Variants in ZNF718 observed in about 807,000 individuals in gnomAD.
ZNF718 encodes zinc finger protein 718.
In ZNF718, 3 loss-of-function variants were observed where a neutral mutation model predicts 2.6. The ratio of observed to expected loss-of-function variants is 1.16; its 90% confidence interval spans 0.53 to 3.01. The LOEUF is 3.01. Ranked by LOEUF, ZNF718 falls within the 30% of genes most tolerant of loss-of-function variation. ZNF718 has a pLI of 0.03. For missense variants in ZNF718, 468 were observed against 230.0 expected (o/e 2.03, Z -6.69); for synonymous variants, 135 against 77.9 (o/e 1.73, Z -3.86).
chr4:142,130 G>A, intron 3 of ZNF718: 1 of 502,176 alleles, frequency 2.0e-6, no homozygotes, highest in Admixed American at 2.0e-5. Flanking sequence ...TTTTGGAACT[G>A]TGCAGCCATT....
exon 5 of ZNF718, chr4:202,095 A>G (rs1717912706): frequency 1.3e-5 from 2 of 152,206 alleles, no homozygotes; most frequent in South Asian, 2.1e-4. Flanking sequence ...TAATTGAATC[A>G]TGGGGGCAGT....
intron 3 of ZNF718, among the ~76,000 whole-genome samples, chr4:135,756 A>ATAT (rs1581426330): frequency 2.8e-5 from 4 of 143,662 alleles, no homozygotes; most frequent in East Asian, 2.1e-4. Flanking sequence ...ATGATTATAT[A>ATAT]ATCTACAGAC....
Position 130,892 on chromosome 4 carries a change from C to T in ZNF718, c.108C>T (p.Asn36=), listed in dbSNP as rs1715334008. 1.7e-5 allele frequency: 6 copies of T among 362,810 alleles called. 2 individuals are homozygous for T. In the Admixed American group the frequency reaches 2.9e-4, roughly 17 times the overall value. 22.5% of individuals were successfully genotyped at this position (362,810 alleles called of 1,614,324 possible). A position where few individuals can be genotyped will look rare whatever the true frequency, so the allele number is the denominator to read the frequency against. The change falls in exon 2 of 4, where the codon AAC becomes AAT. Residue 36 remains asparagine (N), a synonymous_variant. Transcript: ENST00000510175. ...QNLYRDVMLE[N]YRNLVSLGVS... ...TATATAGAGATGTGATGTTGGAGAA[C>T]TACAGAAACCTGGTCTCCCTGGGTA... is the stretch of plus-strand genomic sequence containing the variant.
At position 131,495 on chromosome 4, in the gene ZNF718, C is replaced by T; in HGVS notation, c.216C>T (p.Ala72=). The T allele has an allele frequency of 6.4e-6, 3 of 466,738 alleles. 1 individual carries two copies. Among genetic ancestry groups the T allele is most frequent in the South Asian group, 3.9e-5 (1 of 25,748 alleles). 28.9% of individuals were successfully genotyped at this position (466,738 alleles called of 1,614,324 possible). ...PYNLKIHETA[A]RPPAVCSHFT... is the part of the protein sequence containing the mutation. The stretch of plus-strand genomic sequence containing the variant: ...ATTTGAAGATACATGAAACAGCAGC[C>T]AGACCCCCAGGTAGGTGAGAGTGAA... Residue 72 remains alanine, a synonymous_variant, in exon 3 of 4, where the codon GCC becomes GCT. Coordinates refer to ENST00000510175, the MANE Select transcript of ZNF718 (RefSeq NM_001039127.6).
Position 152,000 on chromosome 4 carries a change from G to A in ZNF718, c.227-8912G>A, listed in dbSNP as rs368872934. On this transcript the variant is annotated intron_variant, in intron 3 of 3. Transcript: ENST00000510175. ...GGGGAGAGGGTCAGCAGACAAACAC[G>A]TGAACAAAGGTCTTTGCATCATAGA... Among the ~76,000 whole-genome samples the A allele has an allele frequency of 3.0e-3, 445 of 148,608 alleles. 2 individuals carry two copies. The highest frequency in any genetic ancestry group is 0.01 in the African/African-American group (423 of 40,314).
rs568732176 is a variant in ZNF718, at chr4:190,303, G to A, written c.227-10778G>A. On this transcript the variant is annotated intron_variant and NMD_transcript_variant, in intron 3 of 4. Transcript: ENST00000642529. ...AAATTAGCCAGGCGTGGTGATGGGC[G>A]CCTGTAGTCCCAGCTACTCAGGAGG... 4.6e-5 allele frequency among the ~76,000 whole-genome samples: 7 copies of A among 151,990 alleles called. No individual in the cohort carries two copies. The East Asian group carries it at 7.7e-4, about 17-fold the overall frequency.
intron 3 of ZNF718, among the ~76,000 whole-genome samples, chr4:195,084 G>C (rs1000356432): frequency 3.9e-5 from 6 of 152,132 alleles, no homozygotes; most frequent in Middle Eastern, 3.2e-3. Flanking sequence ...TGTGCTCAGG[G>C]GTGAGTCCTA....
rs1374150033 is a variant in ZNF718, at chr4:155,450, A to T, written c.227-5462A>T. ...GGTGGAGCTGCTCAAGATCATGGGAACCTATTTCTTGCATCAATGTGACCT... is the reference window on the plus strand; with the variant it reads ...GGTGGAGCTGCTCAAGATCATGGGATCCTATTTCTTGCATCAATGTGACCT... On this transcript the variant is annotated intron_variant, in intron 3 of 3. Transcript: ENST00000510175. 2.0e-5 allele frequency among the ~76,000 whole-genome samples: 3 copies of T among 152,300 alleles called. 1 individual carries two copies. In the East Asian group the frequency reaches 5.8e-4, roughly 29 times the overall value.
At chr4:199,717 C>T (rs924653210) in intron 3 of ZNF718, among the ~76,000 whole-genome samples, 2 of 152,172 alleles carry the variant, frequency 1.3e-5, no homozygotes, top group African/African-American at 4.8e-5. Flanking sequence ...AAAAGGCTTT[C>T]ATTTGGCTCA....
intron 4 of ZNF718, chr4:201,567 G>A (rs1330203585): frequency 6.5e-6 from 1 of 154,802 alleles, no homozygotes. Flanking sequence ...GATTTATTTA[G>A]GTAAAAGTGT....
Position 162,883 on chromosome 4 carries a change from G to A in ZNF718, c.*761G>A, listed in dbSNP as rs1174853680. On this transcript the variant is annotated 3_prime_UTR_variant, in exon 4 of 4. Transcript: ENST00000510175. ...AAGACTAAATGTCAGAATATTTACA[G>A]TAGAAAGAAAAAGGCATTAACACTT... 2 of 152,146 alleles carry A rather than the reference G, an allele frequency of 1.3e-5. No individual in the cohort carries two copies. Among genetic ancestry groups the A allele is most frequent in the East Asian group, 1.9e-4 (1 of 5,196 alleles). The allele number at this position is 152,146 out of a possible 1,614,324, so 9.4% of individuals were successfully genotyped here. A position where few individuals can be genotyped will look rare whatever the true frequency, so the allele number is the denominator to read the frequency against.
At chr4:172,212 C>G (rs781873856) in intron 3 of ZNF718, among the ~76,000 whole-genome samples, 1 of 152,138 alleles carries the variant, frequency 6.6e-6, no homozygotes, top group Non-Finnish European at 1.5e-5. Flanking sequence ...AACAAGCATC[C>G]AGTAACCAGC....
chr4:148,743 G>T (rs1199389180), intron 3 of ZNF718, among the ~76,000 whole-genome samples: 1 of 152,118 alleles, frequency 6.6e-6, no homozygotes, highest in Non-Finnish European at 1.5e-5. Flanking sequence ...ATCAGGGAAA[G>T]GGGTGGGTTT....
chr4:188,998 GC>G (rs1717628289), intron 3 of ZNF718, among the ~76,000 whole-genome samples: 1 of 150,380 alleles, frequency 6.6e-6, no homozygotes, highest in Non-Finnish European at 1.5e-5. Context: ...TTTAGAAAGA[GC>G]AGCTTGTCAA....
chr4:164,766 GT>G (rs1305924663), downstream of ZNF718, among the ~76,000 whole-genome samples: 2 of 152,060 alleles, frequency 1.3e-5, no homozygotes, highest in Non-Finnish European at 2.9e-5. Flanking sequence ...ACATAATTGA[GT>G]TTATTTATTG....
At chr4:155,691 A>G (rs1716537223) in intron 3 of ZNF718, among the ~76,000 whole-genome samples, 1 of 151,986 alleles carries the variant, frequency 6.6e-6, no homozygotes, top group Non-Finnish European at 1.5e-5. Flanking sequence ...GAAGGGACTT[A>G]CTTTCTCTCA....
intron 3 of ZNF718, among the ~76,000 whole-genome samples, chr4:155,408 C>G (rs1553813504): frequency 6.6e-6 from 1 of 152,174 alleles, no homozygotes; most frequent in East Asian, 1.9e-4. Context: ...ACTGACTGTA[C>G]CCTGCAAAGC....
In ZNF718 at chr4:161,632, G is replaced by A; in HGVS notation, c.947G>A (p.Cys316Tyr). 1.3e-6 allele frequency: 1 copy of A among 780,252 alleles called. No individual in the cohort carries two copies. The highest frequency in any genetic ancestry group is 2.4e-6 in the Non-Finnish European group (1 of 417,670). The allele number at this position is 780,252 out of a possible 1,614,324, so 48.3% of individuals were successfully genotyped here. Residue 316 changes from cysteine to tyrosine, a missense_variant, in exon 4 of 4, where the codon TGT (cysteine) becomes TAT (tyrosine). Coordinates refer to ENST00000510175, the MANE Select transcript of ZNF718 (RefSeq NM_001039127.6). The stretch of plus-strand genomic sequence containing the variant: ...GAGAAACCCTTCTCATGCGAAGAAT[G>A]TGGCAATGTCTTTACCACATCCTCA... Reference protein sequence around the residue: ...AGEKPFSCEECGNVFTTSSDF... With the variant: ...AGEKPFSCEEYGNVFTTSSDF...
In ZNF718 at chr4:186,897, ACTTCTATCAT is replaced by A. The variant is rs565188436; in HGVS notation, c.227-14183_227-14174del. The stretch of plus-strand genomic sequence containing the variant: ...CATTTGTATTCACATCCTGAAGCCT[ACTTCTATCAT>A]TTCAGCCATTTCAGCCTCAGCCCAG... On this transcript the variant is annotated intron_variant and NMD_transcript_variant, in intron 3 of 4. Coordinates refer to the ZNF718 transcript ENST00000642529. Among the ~76,000 whole-genome samples the A allele has an allele frequency of 4.4e-3, 663 of 152,202 alleles. 1 individual carries two copies. The highest frequency in any genetic ancestry group is 7.8e-3 in the Non-Finnish European group (528 of 67,998).
Sources: allele counts gnomAD v4.1 joint callset (sites outside exome capture counted in the v4.1 genomes callset), GRCh38; gene constraint gnomAD v4.1.1; transcripts MANE v1.5; gene names NCBI Gene and HGNC (gene_info 2026-07-23, HGNC 2026-07-21).